Variants in ATP8A2 observed in about 807,000 individuals in gnomAD.
The protein encoded by ATP8A2 is phospholipid-transporting ATPase IB.
Under a neutral mutation model 165.6 loss-of-function variants are expected in ATP8A2, and 100 were observed. That is an observed-to-expected ratio of 0.60 (90% CI 0.51 to 0.71). The LOEUF (loss-of-function observed/expected upper bound fraction) is 0.71. Ranked by LOEUF, ATP8A2 falls within the 30% of genes least tolerant of loss-of-function variation. ATP8A2 has a pLI of 0.00. For synonymous variants in ATP8A2, 543 were observed against 548.8 expected, an observed-to-expected ratio of 0.99 and a Z score of 0.15; for missense variants, 1,227 against 1,479.5, an observed-to-expected ratio of 0.83 and a Z score of 2.80.
intron 35 of ATP8A2, among the ~76,000 whole-genome samples, chr13:25,978,418 A>G (rs1956106279): frequency 6.6e-6 from 1 of 152,202 alleles, no homozygotes; most frequent in Non-Finnish European, 1.5e-5. Flanking sequence ...CTGAAAACAA[A>G]CAGGCAGGTA....
At chr13:25,754,208 C>A (rs1184305619) in intron 25 of ATP8A2, among the ~76,000 whole-genome samples, 2 of 152,180 alleles carry the variant, frequency 1.3e-5, no homozygotes, top group Non-Finnish European at 2.9e-5. Context: ...CTGCTAATGA[C>A]CTGAGCTTCA....
At chr13:25,547,937 C>T (rs2038702762) in intron 10 of ATP8A2, among the ~76,000 whole-genome samples, 1 of 152,114 alleles carries the variant, frequency 6.6e-6, no homozygotes, top group Non-Finnish European at 1.5e-5. Flanking sequence ...AAAAGCTCAT[C>T]ATTGGGCCAG....
chr13:25,893,089 G>A (rs1021300374), intron 33 of ATP8A2, among the ~76,000 whole-genome samples: 9 of 151,524 alleles, frequency 5.9e-5, no homozygotes, highest in African/African-American at 2.2e-4. Context: ...TAGGGTACAT[G>A]TGCACAACGT....
At chr13:25,574,667 GA>G in intron 18 of ATP8A2, 140 bp from the exon 19 acceptor site, 3 of 664,432 alleles carry the variant, frequency 4.5e-6, no homozygotes, top group South Asian at 3.4e-5. Flanking sequence ...AGACTTGTGA[GA>G]AAACAGTACA....
At chr13:25,619,965 C>T (rs938807656) in intron 24 of ATP8A2, among the ~76,000 whole-genome samples, 5 of 152,022 alleles carry the variant, frequency 3.3e-5, no homozygotes, top group African/African-American at 4.8e-5. Context: ...AGAGGAGTCA[C>T]GAGAAAACCC....
At chr13:25,498,755 A>G (rs1438398744) in intron 2 of ATP8A2, among the ~76,000 whole-genome samples, 3 of 152,354 alleles carry the variant, frequency 2.0e-5, no homozygotes, top group African/African-American at 7.2e-5. Context: ...CGATGCCGTT[A>G]TAAACATTTT....
intron 35 of ATP8A2, among the ~76,000 whole-genome samples, chr13:26,004,955 T>A (rs116180292): frequency 0.024 from 3,627 of 151,824 alleles, 131 homozygotes; most frequent in African/African-American, 0.076. Context: ...TTTTTTCTTG[T>A]GATTCCTTGT....
Position 26,023,853 on chromosome 13 carries a change from A to T in ATP8A2, c.*3868A>T, listed in dbSNP as rs1311608186. The T allele has an allele frequency of 6.6e-6, 1 of 152,204 alleles. No homozygotes were observed. Among genetic ancestry groups the T allele is most frequent in the Admixed American group, 6.5e-5 (1 of 15,286 alleles). 9.4% of individuals were successfully genotyped at this position (152,204 alleles called of 1,614,324 possible). On this transcript the variant is annotated 3_prime_UTR_variant, in exon 37 of 37. Transcript: ENST00000381655. ...GATTTAACATCAGCATTTGAAATGT[A>T]GTCTTCATCTCCTGGGATCCATAAA...
intron 24 of ATP8A2, among the ~76,000 whole-genome samples, chr13:25,650,231 A>T (rs930769771): frequency 6.6e-6 from 1 of 152,098 alleles, no homozygotes; most frequent in African/African-American, 2.4e-5. Flanking sequence ...AGTGACTCTG[A>T]CTTATTCCTA....
At chr13:25,460,157 C>T (rs965400549) in intron 1 of ATP8A2, among the ~76,000 whole-genome samples, 7 of 152,152 alleles carry the variant, frequency 4.6e-5, no homozygotes, top group Non-Finnish European at 7.4e-5. Flanking sequence ...GCCGAGATTG[C>T]GCCATTGCAC....
chr13:25,905,415 GCT>G (rs527994694), intron 33 of ATP8A2, among the ~76,000 whole-genome samples: 302 of 147,818 alleles, frequency 2.0e-3, no homozygotes, highest in Middle Eastern at 3.5e-3. Flanking sequence ...ATTTTTATAT[GCT>G]CTCTCTCTCT....
intron 28 of ATP8A2, among the ~76,000 whole-genome samples, chr13:25,831,280 T>C (rs1275397003): frequency 6.8e-6 from 1 of 146,910 alleles, no homozygotes; most frequent in Non-Finnish European, 1.5e-5. Context: ...AGTGGTGCAA[T>C]CTCAGCTCAC....
At chr13:25,604,052 G>T (rs995180821) in intron 24 of ATP8A2, among the ~76,000 whole-genome samples, 1 of 151,818 alleles carries the variant, frequency 6.6e-6, no homozygotes, top group Admixed American at 6.6e-5. Flanking sequence ...GGGGTGGGGG[G>T]TACTTCATTG....
intron 16 of ATP8A2, chr13:25,567,476 G>T: frequency 2.2e-6 from 1 of 444,486 alleles, no homozygotes. Flanking sequence ...TTAGTTTAGT[G>T]GGAAAGCCAT....
rs199523484 is a variant in ATP8A2 at position 25,557,907 on chromosome 13, A to AT, written c.1264-1053dup. On this transcript the variant is annotated intron_variant, in intron 13 of 36. Transcript: ENST00000381655. Reference sequence around the variant, plus strand: ...CCTTATTATAAAATGTTCATTAAAAATTTTTTTTTTTTTGAGATGAAGTTT... The same window carrying AT: ...CCTTATTATAAAATGTTCATTAAAAATTTTTTTTTTTTTTGAGATGAAGTTT... Among the ~76,000 whole-genome samples the AT allele has an allele frequency of 2.0e-3, 300 of 146,544 alleles. 2 individuals are homozygous for AT. The highest frequency in any genetic ancestry group is 6.2e-3 in the African/African-American group (246 of 39,712).
intron 1 of ATP8A2, among the ~76,000 whole-genome samples, chr13:25,446,372 C>T (rs1248261476): frequency 6.6e-6 from 1 of 152,186 alleles, no homozygotes; most frequent in African/African-American, 2.4e-5. Context: ...TAAATCTCTT[C>T]ATGTATCTGC....
intron 1 of ATP8A2, among the ~76,000 whole-genome samples, chr13:25,410,429 C>T (rs1471662519): frequency 6.6e-6 from 1 of 152,162 alleles, no homozygotes; most frequent in Admixed American, 6.5e-5. Flanking sequence ...CCTGCTTCTC[C>T]CACTGGATTT....
Position 25,961,584 on chromosome 13 carries a change from GTCC to G in ATP8A2, c.3195_3197del (p.Leu1066del). The G allele has an allele frequency of 6.2e-7, 1 of 1,613,764 alleles. No individual in the cohort carries two copies. Among genetic ancestry groups the G allele is most frequent in the Non-Finnish European group, 8.5e-7 (1 of 1,179,706 alleles). On this transcript the variant is annotated inframe_deletion, in exon 34 of 37. Transcript: ENST00000381655. ...CTTCTATTTCTTGCAGGCAACTATGGTCCTGAGCTCCGCACACTTCTGGTTGGG... is the reference window on the plus strand; with the variant it reads ...CTTCTATTTCTTGCAGGCAACTATGGTGAGCTCCGCACACTTCTGGTTGGG...
intron 25 of ATP8A2, among the ~76,000 whole-genome samples, chr13:25,713,620 G>A (rs563134964): frequency 6.6e-6 from 1 of 152,238 alleles, no homozygotes; most frequent in East Asian, 1.9e-4. Flanking sequence ...ACTTTTTTCT[G>A]AGGCGATTCT....
Sources: gnomAD v4.1 joint callset for allele counts (sites outside exome capture counted in the v4.1 genomes callset) on GRCh38, gnomAD v4.1.1 for gene constraint, MANE v1.5 for transcripts, NCBI Gene and HGNC (gene_info 2026-07-23, HGNC 2026-07-21) for gene names.